The following SLAMF1 variants were observed in gnomAD, a reference collection of about 807,000 sequenced individuals.
The protein encoded by SLAMF1 is signaling lymphocytic activation molecule.
A neutral mutation model predicts 35.1 loss-of-function variants in SLAMF1; 18 were observed. That is an observed-to-expected ratio of 0.51 (90% CI 0.35 to 0.76). SLAMF1 has a LOEUF of 0.76. Ranked by LOEUF, SLAMF1 falls within the 30% of genes least tolerant of loss-of-function variation. SLAMF1 has a pLI of 0.01. For synonymous variants in SLAMF1, 168 were observed against 157.2 expected (o/e 1.07, Z -0.51); for missense variants, 392 against 413.0 (o/e 0.95, Z 0.44).
chr1:160,616,946 A>G (rs1338057722), intron 5 of SLAMF1, among the ~76,000 whole-genome samples: 2 of 152,158 alleles, frequency 1.3e-5, no homozygotes, highest in Non-Finnish European at 2.9e-5. Context: ...TCCTGAGATC[A>G]GGAGTTCGAG....
chr1:160,625,163 G>C (rs1659812593), intron 3 of SLAMF1, among the ~76,000 whole-genome samples: 1 of 152,176 alleles, frequency 6.6e-6, no homozygotes, highest in Admixed American at 6.5e-5. Flanking sequence ...AGACTTATGG[G>C]CTTGGAAAAA....
intron 3 of SLAMF1, among the ~76,000 whole-genome samples, chr1:160,631,413 CG>C (rs1429652838): frequency 1.3e-5 from 2 of 152,108 alleles, no homozygotes; most frequent in African/African-American, 4.8e-5. Flanking sequence ...TTGGACATAG[CG>C]TCTTCACAGA....
chr1:160,634,610 C>T lies in SLAMF1; in HGVS notation c.700+3G>A. The T allele has an allele frequency of 6.3e-7, 1 of 1,594,966 alleles. No individual in the cohort carries two copies. ...GCACACAGGCTGCCACCAGTGTACT[C>T]ACCTGAGGGGTCTGTCCTGCATCCG... On this transcript the variant is annotated splice_donor_region_variant and intron_variant, in intron 3 of 6. Transcript: ENST00000302035.
intron 1 of SLAMF1, among the ~76,000 whole-genome samples, chr1:160,639,818 C>T (rs1002699987): frequency 2.0e-5 from 3 of 152,092 alleles, no homozygotes; most frequent in East Asian, 1.9e-4. Context: ...ATGCCCAGTC[C>T]GTGGCACTGT....
chr1:160,632,310 A>G (rs184170746), intron 3 of SLAMF1, among the ~76,000 whole-genome samples: 224 of 152,196 alleles, frequency 1.5e-3, no homozygotes, highest in African/African-American at 5.0e-3. Flanking sequence ...TGAAACAGAG[A>G]CCCAAGAGAG....
At chr1:160,633,985 C>T (rs1354560726) in intron 3 of SLAMF1, among the ~76,000 whole-genome samples, 3 of 152,114 alleles carry the variant, frequency 2.0e-5, no homozygotes, top group South Asian at 2.1e-4. Context: ...AATGATGAAG[C>T]GCTGTGCAAT....
intron 6 of SLAMF1, 112 bp from the exon 7 acceptor site, chr1:160,610,910 G>T: frequency 2.3e-6 from 2 of 857,984 alleles, no homozygotes; most frequent in Non-Finnish European, 1.9e-6. Flanking sequence ...ATCATGGCTT[G>T]TGCAGGGTCT....
At chr1:160,626,072 T>C (rs964666689) in intron 3 of SLAMF1, among the ~76,000 whole-genome samples, 1 of 152,132 alleles carries the variant, frequency 6.6e-6, no homozygotes, top group African/African-American at 2.4e-5. Context: ...CATAGATACT[T>C]TGGGAACTTC....
intron 2 of SLAMF1, 150 bp downstream of exon 2, chr1:160,637,041 C>T: frequency 1.6e-6 from 1 of 617,380 alleles, no homozygotes; most frequent in Non-Finnish European, 2.9e-6. Context: ...AAAACGTCTT[C>T]CATGCAGCAG....
intron 3 of SLAMF1, among the ~76,000 whole-genome samples, chr1:160,628,808 G>A (rs1021343783): frequency 6.6e-6 from 1 of 152,212 alleles, no homozygotes; most frequent in Non-Finnish European, 1.5e-5. Context: ...AAGGAGAAGT[G>A]ACCCACTTGG....
At chr1:160,621,774 G>T (rs1659620238) in intron 4 of SLAMF1, among the ~76,000 whole-genome samples, 1 of 151,584 alleles carries the variant, frequency 6.6e-6, no homozygotes, top group Non-Finnish European at 1.5e-5. Context: ...TTTGTGTGTG[G>T]GTATGAGCAC....
At chr1:160,623,249 C>T (rs189528714) in intron 4 of SLAMF1, among the ~76,000 whole-genome samples, 6 of 152,248 alleles carry the variant, frequency 3.9e-5, no homozygotes, top group South Asian at 2.1e-4. Context: ...TGCCCTACCC[C>T]GAGCCCCATA....
chr1:160,624,769 GC>G (rs1659792864), intron 3 of SLAMF1, among the ~76,000 whole-genome samples: 6 of 152,222 alleles, frequency 3.9e-5, no homozygotes, highest in African/African-American at 1.4e-4. Context: ...TTTAAAATTA[GC>G]CCGAGAACTA....
rs1273601421 is a variant in SLAMF1, at chr1:160,637,424, T to A, written c.182A>T (p.His61Leu). ...TGATTTTGCCATTGTGACGACAATGTGGATGCTTTTGTTCATGCTCTTATT... is the reference window on the plus strand; with the variant it reads ...TGATTTTGCCATTGTGACGACAATGAGGATGCTTTTGTTCATGCTCTTATT... Reference protein sequence around the residue: ...RINKSMNKSIHIVVTMAKSLE... With the variant: ...RINKSMNKSILIVVTMAKSLE... Residue 61 changes from histidine to leucine, a missense_variant, in exon 2 of 7, where the codon CAC becomes CTC. Physicochemically the swap from His to Leu is moderately conservative, Grantham distance 99. Transcript: ENST00000302035. The A allele has an allele frequency of 1.2e-6, 2 of 1,614,028 alleles. No homozygotes were observed. Among genetic ancestry groups the A allele is most frequent in the Admixed American group, 3.3e-5 (2 of 60,030 alleles).
chr1:160,634,532 T>C (rs1660324637), intron 3 of SLAMF1, 81 bp downstream of exon 3: 34 of 1,464,784 alleles, frequency 2.3e-5, no homozygotes, highest in Non-Finnish European at 3.1e-5. Flanking sequence ...GTGAATGCCA[T>C]GGCTGGGGAG....
At chr1:160,627,769 C>G (rs1160177138) in intron 3 of SLAMF1, among the ~76,000 whole-genome samples, 2 of 152,166 alleles carry the variant, frequency 1.3e-5, no homozygotes, top group Non-Finnish European at 2.9e-5. Flanking sequence ...ACTCTGCTTG[C>G]TCTACTCTGT....
chr1:160,644,469 A>G (rs536177567), intron 1 of SLAMF1, among the ~76,000 whole-genome samples: 7 of 152,274 alleles, frequency 4.6e-5, no homozygotes, highest in Non-Finnish European at 8.8e-5. Context: ...AGTGCCTGGT[A>G]TATGGCAAGT....
At chr1:160,623,272 A>T (rs181838640) in intron 4 of SLAMF1, among the ~76,000 whole-genome samples, 6 of 152,276 alleles carry the variant, frequency 3.9e-5, no homozygotes, top group African/African-American at 1.4e-4. Context: ...CTGTCAACCT[A>T]ATTTCTATCT....
rs1660347441 is a variant in SLAMF1 at position 160,634,814 on chromosome 1, C to G, written c.499G>C (p.Glu167Gln). 2 of 1,614,002 alleles carry G rather than the reference C, an allele frequency of 1.2e-6. No homozygotes were observed. The highest frequency in any genetic ancestry group is 2.7e-5 in the African/African-American group (2 of 74,896). The change falls in exon 3 of 7, where the codon GAG becomes CAG. Residue 167 changes from glutamate (E) to glutamine (Q), a missense_variant. By Grantham distance (29) the Glu-to-Gln change is conservative. Transcript: ENST00000302035. Reference protein sequence around the residue: ...TCTLILGCTVEKGDHVAYSWS... With the variant: ...TCTLILGCTVQKGDHVAYSWS... Reference sequence around the variant, plus strand: ...CTGTAAGCCACATGGTCCCCCTTCTCCACTGTGCAGCCCAGTATCAAGGTG... The same window carrying G: ...CTGTAAGCCACATGGTCCCCCTTCTGCACTGTGCAGCCCAGTATCAAGGTG...
Sources: allele counts gnomAD v4.1 joint callset (sites outside exome capture counted in the v4.1 genomes callset), GRCh38; gene constraint gnomAD v4.1.1; transcripts MANE v1.5; gene names NCBI Gene and HGNC (gene_info 2026-07-23, HGNC 2026-07-21).